EEF2K: variants seen among roughly 807,000 people sequenced by gnomAD.
EEF2K encodes eukaryotic elongation factor 2 kinase.
A neutral mutation model predicts 93.8 loss-of-function variants in EEF2K; 70 were observed. The observed-to-expected ratio is 0.75, with a 90% confidence interval of 0.62 to 0.91. The LOEUF is 0.91. Ranked by LOEUF, EEF2K falls within the 40% of genes least tolerant of loss-of-function variation. The pLI, the probability that EEF2K is intolerant of heterozygous loss-of-function variation, is 0.00. For synonymous variants in EEF2K, 376 were observed against 380.8 expected, an observed-to-expected ratio of 0.99 and a Z score of 0.15; for missense variants, 935 against 972.9, an observed-to-expected ratio of 0.96 and a Z score of 0.52.
intron 4 of EEF2K, 80 bp downstream of exon 4, chr16:22,248,895 C>T: frequency 7.4e-7 from 1 of 1,342,694 alleles, no homozygotes; most frequent in Non-Finnish European, 1.0e-6. Flanking sequence ...GCACCCTTCT[C>T]TCCCACTCCC....
chr16:22,283,866 C>T (rs1183110032), intron 17 of EEF2K, 21 bp from the exon 18 acceptor site: 5 of 1,564,532 alleles, frequency 3.2e-6, no homozygotes, highest in Admixed American at 1.9e-5. Context: ...CCTCTTTTTG[C>T]CCCCCTTTGC....
chr16:22,219,038 A>G (rs2046987908), intron 1 of EEF2K, among the ~76,000 whole-genome samples: 1 of 151,352 alleles, frequency 6.6e-6, no homozygotes. Context: ...AAAAATCCTG[A>G]TGTCTTTCAG....
chr16:22,258,518 G>C lies in EEF2K; in HGVS notation c.1054G>C (p.Gly352Arg), dbSNP rs1401835329. ...GCAATCAGCCAAGACCATCTTGAGA[G>C]GAACAGAGGAAAAATGTGGGAGCCC... ...LLQSAKTILR[G>R]TEEKCGSPQV... is the part of the protein sequence containing the mutation. The change falls in exon 10 of 18, where the codon GGA (glycine) becomes CGA (arginine). Residue 352 changes from glycine (G) to arginine (R), a missense_variant. Transcript: ENST00000263026. The C allele has an allele frequency of 6.2e-7, 1 of 1,614,038 alleles. No individual in the cohort carries two copies. The highest frequency in any genetic ancestry group is 1.3e-5 in the African/African-American group (1 of 75,018).
chr16:22,284,065 A>C lies in EEF2K; in HGVS notation c.*69A>C. The C allele has an allele frequency of 8.3e-6, 11 of 1,327,856 alleles. No individual in the cohort carries two copies. The highest frequency in any genetic ancestry group is 1.1e-5 in the Non-Finnish European group (11 of 957,662). 82.3% of individuals were successfully genotyped at this position (1,327,856 alleles called of 1,614,324 possible). ...AGGAAAGATTAAAAAAACAACAACA[A>C]CAACTTATTTAGTTTGGGGAGGGGA... is the stretch of plus-strand genomic sequence containing the variant. On this transcript the variant is annotated 3_prime_UTR_variant, in exon 18 of 18. Transcript: ENST00000263026.
chr16:22,234,822 C>T (rs923464602), intron 2 of EEF2K, among the ~76,000 whole-genome samples: 4 of 149,748 alleles, frequency 2.7e-5, no homozygotes, highest in Non-Finnish European at 5.9e-5. Context: ...TAGAATCATA[C>T]AACATGTGGC....
chr16:22,257,687 C>A lies in EEF2K; in HGVS notation c.946C>A (p.Arg316=), dbSNP rs374213806. The part of the protein sequence containing the change: ...ALFFYSHACN[R]ICESMGLAPF... ...CTTCTTCTACTCTCATGCCTGCAACCGGATTTGCGAGAGCATGGGCCTTGC... is the reference window on the plus strand; with the variant it reads ...CTTCTTCTACTCTCATGCCTGCAACAGGATTTGCGAGAGCATGGGCCTTGC... Residue 316 remains arginine (R), a synonymous_variant, in exon 9 of 18, where the codon CGG becomes AGG. Transcript: ENST00000263026. The A allele has an allele frequency of 6.2e-7, 1 of 1,613,850 alleles. No homozygotes were observed. Among genetic ancestry groups the A allele is most frequent in the African/African-American group, 1.3e-5 (1 of 74,938 alleles).
At chr16:22,227,178 A>G (rs1359691268) in intron 2 of EEF2K, among the ~76,000 whole-genome samples, 1 of 152,232 alleles carries the variant, frequency 6.6e-6, no homozygotes, top group Non-Finnish European at 1.5e-5. Flanking sequence ...CAGCCTGGAC[A>G]GCAAGAGTGA....
intron 1 of EEF2K, among the ~76,000 whole-genome samples, chr16:22,217,584 C>T (rs886645093): frequency 2.0e-5 from 3 of 152,100 alleles, no homozygotes; most frequent in Non-Finnish European, 2.9e-5. Context: ...GCTGGGATTA[C>T]TGGGATTACC....
chr16:22,245,430 G>A (rs2047278573), intron 3 of EEF2K, among the ~76,000 whole-genome samples: 1 of 152,010 alleles, frequency 6.6e-6, no homozygotes, highest in Admixed American at 6.6e-5. Flanking sequence ...GCTCTGGAGA[G>A]CTTTCCTCCC....
At chr16:22,231,306 G>A (rs891328858) in intron 2 of EEF2K, among the ~76,000 whole-genome samples, 9 of 151,294 alleles carry the variant, frequency 5.9e-5, no homozygotes, top group Non-Finnish European at 1.0e-4. Context: ...TAGTAGAGAC[G>A]GGGGTTTCAC....
intron 15 of EEF2K, among the ~76,000 whole-genome samples, chr16:22,271,570 C>T (rs1001492994): frequency 6.6e-6 from 1 of 151,508 alleles, no homozygotes; most frequent in African/African-American, 2.4e-5. Flanking sequence ...GTGTGGTGCA[C>T]CTGCCTGTAG....
intron 15 of EEF2K, among the ~76,000 whole-genome samples, chr16:22,271,194 T>C (rs1244435756): frequency 1.3e-5 from 2 of 151,886 alleles, no homozygotes; most frequent in Non-Finnish European, 2.9e-5. Flanking sequence ...GGTCTCGAAC[T>C]ACTGACCTCA....
At position 22,263,143 on chromosome 16, in the gene EEF2K, A is replaced by G; in HGVS notation, c.1333A>G (p.Ser445Gly). ...GAATAGTGGGGACAGCGGATACCCC[A>G]GTGAGAAGCGGGGTGAGCTGGATGA... ...SENSGDSGYP[S>G]EKRGELDDPE... The change falls in exon 12 of 18, where the codon AGT becomes GGT. Residue 445 changes from serine (S) to glycine (G), a missense_variant. Physicochemically the swap from Ser to Gly is moderately conservative, Grantham distance 56 (BLOSUM62 0). Transcript: ENST00000263026. The G allele has an allele frequency of 6.2e-7, 1 of 1,612,802 alleles. No individual in the cohort carries two copies. The highest frequency in any genetic ancestry group is 1.7e-4 in the Middle Eastern group (1 of 6,058).
chr16:22,255,731 A>G (rs1174953793), intron 6 of EEF2K, among the ~76,000 whole-genome samples: 1 of 152,052 alleles, frequency 6.6e-6, no homozygotes, highest in Non-Finnish European at 1.5e-5. Context: ...CAACATAGTG[A>G]GACCTCGTCT....
At chr16:22,235,732 A>G (rs1223524843) in intron 2 of EEF2K, among the ~76,000 whole-genome samples, 1 of 152,138 alleles carries the variant, frequency 6.6e-6, no homozygotes, top group Non-Finnish European at 1.5e-5. Context: ...TCCTGACGTC[A>G]GGTGATCTGC....
intron 1 of EEF2K, among the ~76,000 whole-genome samples, chr16:22,222,702 TAAAAAAA>T (rs1161314400): frequency 4.1e-5 from 4 of 96,532 alleles, no homozygotes; most frequent in Admixed American, 1.2e-4. Flanking sequence ...ACCCCGTCCC[TAAAAAAA>T]AAAAAAAAAA....
In EEF2K at chr16:22,280,291, C is replaced by T. The variant is rs140310220; in HGVS notation, c.1983C>T (p.Asp661=). 2.6e-5 allele frequency: 42 copies of T among 1,608,864 alleles called. 1 individual carries two copies. In the Middle Eastern group the frequency reaches 4.9e-4, roughly 19 times the overall value. ...GCGGTGAGTACGACGGAATGCAGGA[C>T]GAGCCCCGGTACATGATGCTGGCCA... ...DEGGEYDGMQ[D]EPRYMMLARE... is the part of the protein sequence containing the mutation. The change falls in exon 17 of 18, where the codon GAC becomes GAT. Residue 661 remains aspartate (D), a synonymous_variant. Coordinates refer to ENST00000263026, the MANE Select transcript of EEF2K (RefSeq NM_013302.5).
intron 1 of EEF2K, among the ~76,000 whole-genome samples, chr16:22,212,605 C>T (rs1567256674): frequency 6.6e-6 from 1 of 151,988 alleles, no homozygotes; most frequent in Non-Finnish European, 1.5e-5. Flanking sequence ...CAGTCGTGAG[C>T]CACCGCACCT....
chr16:22,258,158 A>G (rs2047425714), intron 9 of EEF2K, among the ~76,000 whole-genome samples: 1 of 152,024 alleles, frequency 6.6e-6, no homozygotes, highest in African/African-American at 2.4e-5. Flanking sequence ...TCCCATTGCT[A>G]CTTGGACCAG....
Sources: allele counts gnomAD v4.1 joint callset (sites outside exome capture counted in the v4.1 genomes callset), GRCh38; gene constraint gnomAD v4.1.1; transcripts MANE v1.5; gene names NCBI Gene and HGNC (gene_info 2026-07-23, HGNC 2026-07-21).